Variants in PCDHGA1 observed in about 807,000 individuals in gnomAD.
PCDHGA1 encodes protocadherin gamma subfamily A, 1.
PCDHGA1 carries 32 observed loss-of-function variants against 58.0 expected under a neutral mutation model. The ratio of observed to expected loss-of-function variants is 0.55; its 90% CI spans 0.42 to 0.74. PCDHGA1 has a LOEUF of 0.74. PCDHGA1 is among the 30% of genes least tolerant of loss of function. PCDHGA1 has a pLI of 0.00. For synonymous variants in PCDHGA1, 498 were observed against 501.1 expected (o/e 0.99, Z 0.08); for missense variants, 1,205 against 1,182.3 (o/e 1.02, Z -0.28).
At chr5:141,362,396 T>A (rs1251687072) in intron 1 of PCDHGA1, 1 of 1,613,940 alleles carries the variant, frequency 6.2e-7, no homozygotes, top group African/African-American at 1.3e-5. Flanking sequence ...TCCTACAACC[T>A]GTGTGTTGCC....
In PCDHGA1 at chr5:141,487,153, T is replaced by C; in HGVS notation, c.2422-7654T>C. The stretch of plus-strand genomic sequence containing the variant: ...GTCCACCACTCTCTACCTCTGTTAC[T>C]CTCTTAGTGTCCTTAGAGGAAGACA... On this transcript the variant is annotated intron_variant, in intron 1 of 3. Coordinates refer to ENST00000517417, the MANE Select transcript of PCDHGA1 (RefSeq NM_018912.3). This position sits in a 1 kb window ranked among gnomAD's most constrained non-coding sequence, Gnocchi z 5.0. 3 of 1,613,954 alleles carry C rather than the reference T, an allele frequency of 1.9e-6. No individual in the cohort carries two copies. Among genetic ancestry groups the C allele is most frequent in the Non-Finnish European group, 2.5e-6 (3 of 1,179,838 alleles).
Position 141,432,244 on chromosome 5 carries a change from C to T in PCDHGA1, c.2422-62563C>T. 1 of 1,614,262 alleles carries T rather than the reference C, an allele frequency of 6.2e-7. No homozygotes were observed. Among genetic ancestry groups the T allele is most frequent in the Non-Finnish European group, 8.5e-7 (1 of 1,180,048 alleles). On this transcript the variant is annotated intron_variant, in intron 1 of 3. Coordinates refer to ENST00000517417, the MANE Select transcript of PCDHGA1 (RefSeq NM_018912.3). The surrounding 1 kb of genome is among the most constrained non-coding windows in gnomAD (Gnocchi z 6.0). ...TCACTTATTCCCTGGCTGAGAACAC[C>T]ATCCAAGGGGCAAGCCTATCGTCCT...
intron 1 of PCDHGA1, chr5:141,414,301 C>A (rs199806270): frequency 1.1e-5 from 18 of 1,613,280 alleles, no homozygotes; most frequent in Non-Finnish European, 1.7e-6. Flanking sequence ...TTTAAATGTG[C>A]ATGATTTAGA....
At chr5:141,338,869 C>T (rs1206193720) in intron 1 of PCDHGA1, 14 of 1,445,336 alleles carry the variant, frequency 9.7e-6, no homozygotes, top group Non-Finnish European at 1.3e-5. Context: ...CCATAGGGAC[C>T]TGGGTCCCGT....
intron 1 of PCDHGA1, among the ~76,000 whole-genome samples, chr5:141,452,353 AG>A (rs556616398): frequency 5.9e-5 from 9 of 152,206 alleles, no homozygotes; most frequent in Non-Finnish European, 1.3e-4. Context: ...TTTATCCAAA[AG>A]CCTTGCTTCA....
At chr5:141,478,675 G>T in intron 1 of PCDHGA1, 1 of 1,551,574 alleles carries the variant, frequency 6.4e-7, no homozygotes, top group Non-Finnish European at 8.7e-7. Flanking sequence ...ACTTTCAACT[G>T]GCCCTTCCTA....
intron 1 of PCDHGA1, among the ~76,000 whole-genome samples, chr5:141,349,242 AT>A (rs11302014): frequency 0.56 from 84,602 of 151,744 alleles, 26,002 homozygotes; most frequent in African/African-American, 0.83. Context: ...GATAATTTTT[AT>A]TTTTTTTAGT....
At position 141,331,073 on chromosome 5, in the gene PCDHGA1, C is replaced by T. The variant is rs771544248; in HGVS notation, c.389C>T (p.Thr130Ile). 56 of 1,614,002 alleles carry T rather than the reference C, an allele frequency of 3.5e-5. No individual in the cohort carries two copies. In the South Asian group the frequency reaches 5.6e-4, roughly 16 times the overall value. ...EVEIIDINDNTPQFQLEELEF... is the reference protein window; with the variant it reads ...EVEIIDINDNIPQFQLEELEF... ...GAAATAATTGATATTAATGACAACACTCCCCAATTCCAGTTAGAGGAACTG... is the reference window on the plus strand; with the variant it reads ...GAAATAATTGATATTAATGACAACATTCCCCAATTCCAGTTAGAGGAACTG... Residue 130 changes from threonine to isoleucine, a missense_variant, in exon 1 of 4, where the codon ACT (threonine) becomes ATT (isoleucine). Coordinates refer to ENST00000517417, the MANE Select transcript of PCDHGA1 (RefSeq NM_018912.3).
At chr5:141,380,806 A>G (rs1175015074) in intron 1 of PCDHGA1, among the ~76,000 whole-genome samples, 1 of 152,258 alleles carries the variant, frequency 6.6e-6, no homozygotes, top group Non-Finnish European at 1.5e-5. Context: ...AACAAATGTG[A>G]GATGAAACTA....
Position 141,485,156 on chromosome 5 carries a change from A to G in PCDHGA1, c.2422-9651A>G. The G allele has an allele frequency of 6.3e-7, 1 of 1,599,118 alleles. No homozygotes were observed. The highest frequency in any genetic ancestry group is 8.6e-7 in the Non-Finnish European group (1 of 1,168,318). On this transcript the variant is annotated intron_variant, in intron 1 of 3. Transcript: ENST00000517417. The surrounding 1 kb of genome is among the most constrained non-coding windows in gnomAD (Gnocchi z 5.7). ...ATCCGCGTCTCAGGAGCAAGTAGAG[A>G]ATTAGCGGGCGGCAGCAATGCTCCG... is the stretch of plus-strand genomic sequence containing the variant.
At chr5:141,398,727 A>G in intron 1 of PCDHGA1, 1 of 1,613,894 alleles carries the variant, frequency 6.2e-7, no homozygotes, top group Middle Eastern at 1.6e-4. Flanking sequence ...AGAAAACCTT[A>G]GACCGGGAAC....
intron 1 of PCDHGA1, chr5:141,400,083 C>T (rs1396687812): frequency 6.2e-7 from 1 of 1,614,048 alleles, no homozygotes; most frequent in Non-Finnish European, 8.5e-7. Context: ...CACTCTCCGC[C>T]ACCGCCACGC....
At chr5:141,508,983 C>T (rs532410967) in intron 3 of PCDHGA1, among the ~76,000 whole-genome samples, 44 of 152,148 alleles carry the variant, frequency 2.9e-4, no homozygotes, top group Non-Finnish European at 4.4e-4. Flanking sequence ...GGGGTGGGGG[C>T]CAGCTGGGGT....
Position 141,331,238 on chromosome 5 carries a change from G to GAGCC in PCDHGA1, c.555_558dup (p.Asp187SerfsTer31), listed in dbSNP as rs756137799. On this transcript the variant is annotated frameshift_variant, in exon 1 of 4. Transcript: ENST00000517417. LOFTEE classifies it high-confidence loss of function. Reference sequence around the variant, plus strand: ...CATTTCTCCCTGGATGTGCAACAGGGAGCCGATGGGCCTCAACATCCAGAG... The same window carrying GAGCC: ...CATTTCTCCCTGGATGTGCAACAGGGAGCCAGCCGATGGGCCTCAACATCCAGAG... 86 of 1,613,998 alleles carry GAGCC rather than the reference G, an allele frequency of 5.3e-5. No individual in the cohort carries two copies. Among genetic ancestry groups the GAGCC allele is most frequent in the Admixed American group, 1.8e-4 (11 of 60,000 alleles).
rs755899945 is a variant in PCDHGA1, at chr5:141,361,809, T to A, written c.2421+28704T>A. Reference sequence around the variant, plus strand: ...TGTTAGTGGGCGACCTCAATGACAATGCGCCACGGGTGCTGTACCCCGCGC... The same window carrying A: ...TGTTAGTGGGCGACCTCAATGACAAAGCGCCACGGGTGCTGTACCCCGCGC... On this transcript the variant is annotated intron_variant, in intron 1 of 3. Coordinates refer to ENST00000517417, the MANE Select transcript of PCDHGA1 (RefSeq NM_018912.3). 10 of 1,612,970 alleles carry A rather than the reference T, an allele frequency of 6.2e-6. No homozygotes were observed. In the South Asian group the frequency reaches 9.9e-5, roughly 16 times the overall value.
rs2096260633 is a variant in PCDHGA1 at position 141,418,459 on chromosome 5, G to C, written c.2422-76348G>C. 2.5e-6 allele frequency: 4 copies of C among 1,613,992 alleles called. No homozygotes were observed. In the East Asian group the frequency reaches 6.7e-5, roughly 27 times the overall value. ...CAGAATTAGTATTGCAGAAGACTCT[G>C]GACCGAGAAACGCAGAGCGCTCACC... On this transcript the variant is annotated intron_variant, in intron 1 of 3. Transcript: ENST00000517417.
intron 1 of PCDHGA1, chr5:141,339,450 C>A: frequency 6.2e-7 from 1 of 1,614,234 alleles, no homozygotes; most frequent in Non-Finnish European, 8.5e-7. Flanking sequence ...GCGCATGATG[C>A]AGACGTAGGT....
intron 1 of PCDHGA1, among the ~76,000 whole-genome samples, chr5:141,429,759 C>T (rs1233949322): frequency 6.6e-6 from 1 of 151,946 alleles, no homozygotes; most frequent in East Asian, 1.9e-4. Flanking sequence ...GAATTTTTTC[C>T]CTATATTTTG....
At chr5:141,500,499 G>A (rs531501031) in intron 2 of PCDHGA1, among the ~76,000 whole-genome samples, 11 of 151,970 alleles carry the variant, frequency 7.2e-5, no homozygotes, top group African/African-American at 2.7e-4. Context: ...GTGAGCCACC[G>A]CGCCTGGCCG....
Sources: gnomAD v4.1 joint callset for allele counts (sites outside exome capture counted in the v4.1 genomes callset) on GRCh38, gnomAD v4.1.1 for gene constraint, Gnocchi (gnomAD v3.1) non-coding constraint, MANE v1.5 for transcripts, NCBI Gene and HGNC (gene_info 2026-07-23, HGNC 2026-07-21) for gene names.